STRN3: variants seen among roughly 807,000 people sequenced by gnomAD.
STRN3 encodes the protein striatin 3, also known as striatin-3.
In STRN3, 29 loss-of-function variants were observed where a neutral mutation model predicts 95.6. That is an observed-to-expected ratio of 0.30 (90% CI 0.23 to 0.41). The LOEUF (loss-of-function observed/expected upper bound fraction) is 0.41, where lower values mean the gene tolerates loss of function less well. Ranked by LOEUF, STRN3 falls within the 10% of genes least tolerant of loss-of-function variation. STRN3 has a pLI of 1.00. For missense variants in STRN3, 890 were observed against 972.1 expected (o/e 0.92, Z 1.12); for synonymous variants, 331 against 357.6 (o/e 0.93, Z 0.84).
chr14:30,959,779 G>A (rs1880098232), intron 1 of STRN3, among the ~76,000 whole-genome samples: 1 of 152,038 alleles, frequency 6.6e-6, no homozygotes, highest in Non-Finnish European at 1.5e-5. Flanking sequence ...GGGCAACACA[G>A]TAAGACTCCA....
chr14:31,026,163 C>G lies in STRN3; in HGVS notation c.23G>C (p.Gly8Ala), dbSNP rs1298154247. The change falls in exon 1 of 18, where the codon GGT becomes GCT. Residue 8 changes from glycine (G) to alanine (A), a missense_variant. By Grantham distance (60) the Gly-to-Ala change is moderately conservative. Around this residue, in one of 3 missense-constraint regions of STRN3, gnomAD observed 526 missense variants for 526.3 expected, o/e 1.00. Transcript: ENST00000357479. MDELAGG[G>A]GGGPGMAAPP... ...GGCCGCCATCCCCGGGCCGCCACCA[C>G]CGCCTCCGGCAAGCTCGTCCATTGT... The G allele has an allele frequency of 6.7e-7, 1 of 1,486,576 alleles. No individual in the cohort carries two copies. Among genetic ancestry groups the G allele is most frequent in the African/African-American group, 1.5e-5 (1 of 68,216 alleles). The allele number at this position is 1,486,576 out of a possible 1,614,324, so 92.1% of individuals were successfully genotyped here.
chr14:30,914,373 G>A (rs1896682233), intron 9 of STRN3, among the ~76,000 whole-genome samples: 1 of 151,922 alleles, frequency 6.6e-6, no homozygotes, highest in Non-Finnish European at 1.5e-5. Context: ...TTTATTTAGA[G>A]ACACAGTCTT....
chr14:30,897,250 T>C (rs1896182291), intron 16 of STRN3, among the ~76,000 whole-genome samples: 1 of 152,068 alleles, frequency 6.6e-6, no homozygotes, highest in Admixed American at 6.6e-5. Flanking sequence ...AACCACAACA[T>C]AATAAAATGT....
chr14:30,914,639 A>G (rs991387145), intron 9 of STRN3, among the ~76,000 whole-genome samples: 17 of 152,144 alleles, frequency 1.1e-4, no homozygotes, highest in Non-Finnish European at 4.4e-5. Flanking sequence ...GGCGTGAGCC[A>G]CCGCGCCCAG....
chr14:30,970,518 A>T (rs1026291537), intron 1 of STRN3, among the ~76,000 whole-genome samples: 1 of 152,130 alleles, frequency 6.6e-6, no homozygotes, highest in African/African-American at 2.4e-5. Flanking sequence ...CAAGCCCCCA[A>T]AGTTCTTCCC....
chr14:30,958,077 A>T (rs1300996731), intron 1 of STRN3, among the ~76,000 whole-genome samples: 8 of 152,244 alleles, frequency 5.3e-5, no homozygotes. Context: ...ACAACTTCTT[A>T]ACACCTGAGA....
At chr14:30,920,590 G>A (rs1359124999) in intron 8 of STRN3, among the ~76,000 whole-genome samples, 1 of 152,018 alleles carries the variant, frequency 6.6e-6, no homozygotes, top group African/African-American at 2.4e-5. Context: ...ATAAAACGGT[G>A]GGGGCTGGTT....
intron 1 of STRN3, among the ~76,000 whole-genome samples, chr14:31,004,754 C>T (rs1378061391): frequency 1.3e-5 from 2 of 151,502 alleles, no homozygotes; most frequent in Non-Finnish European, 2.9e-5. Flanking sequence ...GCCTGGGCAA[C>T]AAGAGTGAAA....
chr14:31,006,341 G>A (rs179707), intron 1 of STRN3, among the ~76,000 whole-genome samples: 96,550 of 151,774 alleles, frequency 0.64, 31,697 homozygotes, highest in Non-Finnish European at 0.73. Flanking sequence ...GGCAGCTCTT[G>A]AGCCCAGGGT....
chr14:30,957,479 A>AG (rs71112360), intron 1 of STRN3, among the ~76,000 whole-genome samples: 148 of 147,408 alleles, frequency 1.0e-3, no homozygotes, highest in Non-Finnish European at 1.1e-3. Context: ...AGAGAGAGAG[A>AG]AAAAAGAAAA....
In STRN3 at chr14:30,955,640, T is replaced by G. The variant is rs938039299; in HGVS notation, c.440A>C (p.Lys147Thr). 3 of 1,579,552 alleles carry G rather than the reference T, an allele frequency of 1.9e-6. No individual in the cohort carries two copies. The highest frequency in any genetic ancestry group is 2.6e-6 in the Non-Finnish European group (3 of 1,169,654). The stretch of plus-strand genomic sequence containing the variant: ...TTTACCTGACTCAAAGGTTGGCATT[T>G]TCAAGTCACCTTGGTTCAGTTCCGT... Reference protein sequence around the residue: ...YGTELNQGDLKMPTFESEETK... With the variant: ...YGTELNQGDLTMPTFESEETK... Residue 147 changes from lysine to threonine, a missense_variant, in exon 3 of 18, where the codon AAA (lysine) becomes ACA (threonine). Transcript: ENST00000357479.
chr14:30,969,869 G>C (rs906711754), intron 1 of STRN3, among the ~76,000 whole-genome samples: 1 of 151,922 alleles, frequency 6.6e-6, no homozygotes, highest in Non-Finnish European at 1.5e-5. Flanking sequence ...TCTCATCAAA[G>C]AGTGGAAAGA....
At position 30,929,282 on chromosome 14, in the gene STRN3, C is replaced by T; in HGVS notation, c.1018G>A (p.Val340Ile). ...DKDDLSPTAE[V>I]WDVDQGLISK... ...ATTAGTCCCTGGTCTACATCCCAAA[C>T]CTCAGCAGTTGGGGAGAGGTCATCT... Residue 340 changes from valine to isoleucine, a missense_variant, in exon 8 of 18, where the codon GTT becomes ATT. Coordinates refer to ENST00000357479, the MANE Select transcript of STRN3 (RefSeq NM_001083893.2). 1 of 1,613,626 alleles carries T rather than the reference C, an allele frequency of 6.2e-7. No individual in the cohort carries two copies. The highest frequency in any genetic ancestry group is 8.5e-7 in the Non-Finnish European group (1 of 1,179,738).
At chr14:31,018,529 A>ACCTG in intron 1 of STRN3, 1 of 429,694 alleles carries the variant, frequency 2.3e-6, no homozygotes, top group Non-Finnish European at 4.6e-6. Flanking sequence ...CAACTATGGT[A>ACCTG]AAGGACATCC....
intron 1 of STRN3, among the ~76,000 whole-genome samples, chr14:30,973,622 T>A (rs936085280): frequency 8.5e-5 from 13 of 152,164 alleles, no homozygotes; most frequent in Non-Finnish European, 1.8e-4. Flanking sequence ...ACTCATTCTA[T>A]GAGGCCAGCA....
intron 1 of STRN3, among the ~76,000 whole-genome samples, chr14:30,959,609 T>A (rs1271903434): frequency 6.6e-6 from 1 of 151,986 alleles, no homozygotes; most frequent in African/African-American, 2.4e-5. Flanking sequence ...TCTCTGCAAA[T>A]AAACACTTTT....
chr14:30,989,167 T>C (rs1881831428), intron 1 of STRN3, among the ~76,000 whole-genome samples: 1 of 152,168 alleles, frequency 6.6e-6, no homozygotes, highest in Non-Finnish European at 1.5e-5. Context: ...GTCAGTTACC[T>C]TATTCTTTGG....
intron 5 of STRN3, among the ~76,000 whole-genome samples, chr14:30,944,553 GTATA>G (rs58426505): frequency 0.021 from 1,395 of 65,880 alleles, 19 homozygotes; most frequent in East Asian, 0.087. Context: ...ATATATACAC[GTATA>G]TATATATATA....
chr14:31,012,735 T>C (rs1266559542), intron 1 of STRN3, among the ~76,000 whole-genome samples: 4 of 151,622 alleles, frequency 2.6e-5, no homozygotes, highest in Non-Finnish European at 5.9e-5. Flanking sequence ...CTACTAAAAA[T>C]ACAAAAAAAT....
Sources: gnomAD v4.1 joint callset for allele counts (sites outside exome capture counted in the v4.1 genomes callset) on GRCh38, gnomAD v4.1.1 for gene constraint, gnomAD v4.1.1 regional missense constraint, MANE v1.5 for transcripts, NCBI Gene and HGNC (gene_info 2026-07-23, HGNC 2026-07-21) for gene names.